The following LARP1 variants were observed in gnomAD, a reference collection of about 807,000 sequenced individuals.
LARP1 encodes the protein la-related protein 1.
Under a neutral mutation model 122.7 loss-of-function variants are expected in LARP1, and 36 were observed. That is an observed-to-expected ratio of 0.29 (90% CI 0.22 to 0.39). The LOEUF (loss-of-function observed/expected upper bound fraction) is 0.39, where lower values mean the gene tolerates loss of function less well. Ranked by LOEUF, LARP1 falls within the 10% of genes least tolerant of loss-of-function variation. LARP1 has a pLI of 1.00. For synonymous variants in LARP1, 539 were observed against 528.7 expected, an observed-to-expected ratio of 1.02 and a Z score of -0.27; for missense variants, 1,040 against 1,403.6, an observed-to-expected ratio of 0.74 and a Z score of 4.14.
intron 1 of LARP1, among the ~76,000 whole-genome samples, chr5:154,684,004 G>A (rs1410692916): frequency 6.6e-6 from 1 of 152,164 alleles, no homozygotes; most frequent in Non-Finnish European, 1.5e-5. Flanking sequence ...GGTATATTTG[G>A]TTATAAGAAG....
chr5:154,736,681 T>A (rs1265345759), intron 1 of LARP1, among the ~76,000 whole-genome samples: 1 of 151,838 alleles, frequency 6.6e-6, no homozygotes, highest in Non-Finnish European at 1.5e-5. Context: ...TTTTTCTCCC[T>A]TAGACTGCTG....
At chr5:154,779,195 C>A (rs1756185924) in intron 1 of LARP1, among the ~76,000 whole-genome samples, 1 of 152,182 alleles carries the variant, frequency 6.6e-6, no homozygotes, top group African/African-American at 2.4e-5. Context: ...TTAAGTCTGA[C>A]TCCTGGGATC....
At chr5:154,794,994 G>C (rs1757632393) in intron 7 of LARP1, among the ~76,000 whole-genome samples, 181 bp from the exon 8 acceptor site, 1 of 152,124 alleles carries the variant, frequency 6.6e-6, no homozygotes, top group Non-Finnish European at 1.5e-5. Flanking sequence ...AGCAAGGTAG[G>C]GTGTCATGAA....
chr5:154,716,781 C>T (rs1755532989), intron 1 of LARP1, among the ~76,000 whole-genome samples: 1 of 152,096 alleles, frequency 6.6e-6, no homozygotes, highest in Non-Finnish European at 1.5e-5. Flanking sequence ...ATCATTTGGC[C>T]AGGCACAGCA....
intron 18 of LARP1, among the ~76,000 whole-genome samples, chr5:154,812,295 C>T (rs895145507): frequency 6.6e-6 from 1 of 152,072 alleles, no homozygotes; most frequent in Non-Finnish European, 1.5e-5. Context: ...TAGACTAGCC[C>T]TTAACATTTT....
chr5:154,692,081 C>T (rs1457272576), intron 1 of LARP1, among the ~76,000 whole-genome samples: 3 of 152,210 alleles, frequency 2.0e-5, no homozygotes, highest in Non-Finnish European at 4.4e-5. Context: ...CATGAGCCAC[C>T]GCTCCCAGCC....
chr5:154,790,479 CT>C, intron 2 of LARP1, 93 bp downstream of exon 2: 1 of 1,341,026 alleles, frequency 7.5e-7, no homozygotes, highest in Non-Finnish European at 1.1e-6. Flanking sequence ...CCAACTAGTT[CT>C]GGATTGTCTG....
At chr5:154,735,049 T>G (rs542649407) in intron 1 of LARP1, among the ~76,000 whole-genome samples, 3 of 152,184 alleles carry the variant, frequency 2.0e-5, no homozygotes, top group Non-Finnish European at 4.4e-5. Context: ...ATATAATATA[T>G]ACCACATTTT....
intron 1 of LARP1, among the ~76,000 whole-genome samples, chr5:154,750,196 GT>G (rs1753413142): frequency 6.6e-6 from 1 of 152,256 alleles, no homozygotes; most frequent in Non-Finnish European, 1.5e-5. Flanking sequence ...GTTTTGTTTT[GT>G]TTTGTTTTTG....
At chr5:154,729,946 A>G (rs1756455018) in intron 1 of LARP1, among the ~76,000 whole-genome samples, 1 of 152,210 alleles carries the variant, frequency 6.6e-6, no homozygotes, top group South Asian at 2.1e-4. Context: ...GCATGACTAC[A>G]ACTGCATGAG....
At chr5:154,724,624 A>G (rs887668076) in intron 1 of LARP1, among the ~76,000 whole-genome samples, 6 of 152,196 alleles carry the variant, frequency 3.9e-5, no homozygotes, top group Admixed American at 3.9e-4. Context: ...TTCCATTTCC[A>G]GTAATTATGG....
At chr5:154,744,927 G>A (rs113332741) in intron 1 of LARP1, among the ~76,000 whole-genome samples, 3 of 112,046 alleles carry the variant, frequency 2.7e-5, no homozygotes, top group East Asian at 4.8e-4. Flanking sequence ...GTGAGCCACC[G>A]CGCCCGGCCG....
chr5:154,729,119 A>G (rs1362221309), intron 1 of LARP1: 2 of 152,738 alleles, frequency 1.3e-5, no homozygotes, highest in South Asian at 2.1e-4. Context: ...AGAGTTGGGC[A>G]TGGGGGAAGC....
chr5:154,779,830 G>T (rs890158248), intron 1 of LARP1, among the ~76,000 whole-genome samples: 4 of 152,066 alleles, frequency 2.6e-5, no homozygotes, highest in African/African-American at 9.7e-5. Context: ...CTCTAAAGGG[G>T]TGTGCTGGTG....
At chr5:154,684,376 T>C (rs1353343933) in intron 1 of LARP1, among the ~76,000 whole-genome samples, 1 of 152,006 alleles carries the variant, frequency 6.6e-6, no homozygotes. Context: ...GTGGGGACTA[T>C]AGTAAGCTGT....
At chr5:154,705,113 G>A (rs540527062) in intron 1 of LARP1, among the ~76,000 whole-genome samples, 20 of 83,906 alleles carry the variant, frequency 2.4e-4, no homozygotes, top group Admixed American at 1.2e-3. Flanking sequence ...TCAAGACTCC[G>A]TCTCAAAAAA....
chr5:154,794,519 C>G (rs924993973), intron 7 of LARP1, among the ~76,000 whole-genome samples: 4 of 152,190 alleles, frequency 2.6e-5, no homozygotes, highest in African/African-American at 9.7e-5. Flanking sequence ...AGAATCTACC[C>G]CCTTCTGTTC....
intron 1 of LARP1, among the ~76,000 whole-genome samples, chr5:154,738,999 T>C (rs1757070015): frequency 6.6e-6 from 1 of 152,276 alleles, no homozygotes; most frequent in South Asian, 2.1e-4. Flanking sequence ...TACAACAATA[T>C]ACTGGACAGT....
intron 8 of LARP1, among the ~76,000 whole-genome samples, chr5:154,795,996 TTA>T (rs1172698735): frequency 2.7e-4 from 27 of 100,646 alleles, no homozygotes; most frequent in Admixed American, 6.2e-4. Context: ...TTATATATTT[TTA>T]TATATATTAT....
Sources: allele counts gnomAD v4.1 joint callset (sites outside exome capture counted in the v4.1 genomes callset), GRCh38; gene constraint gnomAD v4.1.1; transcripts MANE v1.5; gene names NCBI Gene and HGNC (gene_info 2026-07-23, HGNC 2026-07-21).